CLSTN2: variants seen among roughly 807,000 people sequenced by gnomAD.
The protein encoded by CLSTN2 is calsyntenin-2.
Under a neutral mutation model 101.2 loss-of-function variants are expected in CLSTN2, and 48 were observed. That is an observed-to-expected ratio of 0.47 (90% CI 0.38 to 0.60). The LOEUF (loss-of-function observed/expected upper bound fraction) is 0.60, where lower values mean the gene tolerates loss of function less well. Among genes scored for constraint, CLSTN2 ranks in the 20% least tolerant of loss-of-function variants. The probability of loss-of-function intolerance (pLI) is 0.00; values close to 1 mark genes in which losing one functional copy is unlikely to be tolerated. For missense variants in CLSTN2, 1,160 were observed against 1,238.2 expected (o/e 0.94, Z 0.95); for synonymous variants, 481 against 463.6 (o/e 1.04, Z -0.48).
At chr3:140,391,485 C>G (rs1047006205) in intron 2 of CLSTN2, among the ~76,000 whole-genome samples, 9 of 152,134 alleles carry the variant, frequency 5.9e-5, no homozygotes, top group Non-Finnish European at 1.2e-4. Context: ...TTTGCTTGCT[C>G]TCTATCCCCA....
At chr3:140,180,190 C>A (rs2010387166) in intron 2 of CLSTN2, among the ~76,000 whole-genome samples, 1 of 152,220 alleles carries the variant, frequency 6.6e-6, no homozygotes, top group Admixed American at 6.5e-5. Flanking sequence ...CTCCTCCCTG[C>A]CAGTTGGCAG....
intron 1 of CLSTN2, among the ~76,000 whole-genome samples, chr3:140,153,362 C>T (rs2009898605): frequency 6.6e-6 from 1 of 152,264 alleles, no homozygotes; most frequent in Admixed American, 6.5e-5. Flanking sequence ...CTCTTCAAGG[C>T]TGGAGCCACC....
chr3:140,270,578 A>G (rs147667910), intron 2 of CLSTN2, among the ~76,000 whole-genome samples: 8 of 152,264 alleles, frequency 5.3e-5, no homozygotes, highest in African/African-American at 1.9e-4. Context: ...GACCAGTAAG[A>G]ACATGAATCC....
intron 8 of CLSTN2, among the ~76,000 whole-genome samples, chr3:140,513,495 C>T (rs776512945): frequency 1.3e-5 from 2 of 151,536 alleles, no homozygotes; most frequent in Non-Finnish European, 2.9e-5. Flanking sequence ...AGATGTGCTG[C>T]TGTATTCAGT....
intron 5 of CLSTN2, among the ~76,000 whole-genome samples, chr3:140,445,255 G>A (rs114388628): frequency 2.6e-5 from 4 of 152,252 alleles, no homozygotes; most frequent in African/African-American, 7.2e-5. Context: ...TTCCCTTCAC[G>A]ATTTACTTGC....
chr3:140,064,848 A>G (rs1252006793), intron 1 of CLSTN2, among the ~76,000 whole-genome samples: 5 of 152,218 alleles, frequency 3.3e-5, no homozygotes, highest in African/African-American at 9.6e-5. Context: ...AAGCACAAAG[A>G]TTAAAGATGA....
At position 140,556,525 on chromosome 3, in the gene CLSTN2, C is replaced by T. The variant is rs1253075046; in HGVS notation, c.1687C>T (p.Pro563Ser). 1 of 1,613,900 alleles carries T rather than the reference C, an allele frequency of 6.2e-7. No homozygotes were observed. Among genetic ancestry groups the T allele is most frequent in the Non-Finnish European group, 8.5e-7 (1 of 1,179,944 alleles). The change falls in exon 11 of 17, where the codon CCC (proline) becomes TCC (serine). Residue 563 changes from proline to serine, a missense_variant. Pro to Ser is a moderately conservative substitution (Grantham distance 74). Transcript: ENST00000458420. ...TTTTGTCTTCCAGTATCACTTCAAC[C>T]CCTCGCAGTCCATCCTGGTGATGGA... ...LGQGIKYHFNPSQSILVMEGD... is the reference protein window; with the variant it reads ...LGQGIKYHFNSSQSILVMEGD...
chr3:140,437,579 T>A (rs347342), intron 5 of CLSTN2, among the ~76,000 whole-genome samples: 100,770 of 152,146 alleles, frequency 0.66, 35,266 homozygotes, highest in East Asian at 0.92. Context: ...CTAATGCATG[T>A]GTGGGGCTCA....
intron 4 of CLSTN2, 90 bp from the exon 5 acceptor site, chr3:140,421,035 T>C: frequency 7.6e-7 from 1 of 1,307,538 alleles, no homozygotes; most frequent in Admixed American, 1.9e-5. Flanking sequence ...TTTCTTCCTG[T>C]GAAGGTGGGT....
At chr3:140,083,160 G>A (rs1216131405) in intron 1 of CLSTN2, among the ~76,000 whole-genome samples, 5 of 152,048 alleles carry the variant, frequency 3.3e-5, no homozygotes, top group South Asian at 4.1e-4. Flanking sequence ...CATTTATTAC[G>A]TTTTTTGCTG....
intron 9 of CLSTN2, among the ~76,000 whole-genome samples, chr3:140,541,349 CA>C (rs1317701850): frequency 2.0e-5 from 3 of 152,214 alleles, no homozygotes; most frequent in African/African-American, 7.2e-5. Flanking sequence ...AGTCCCCAGT[CA>C]ACCTGAGTGG....
At chr3:140,416,175 G>T (rs1173141743) in intron 4 of CLSTN2, among the ~76,000 whole-genome samples, 1 of 152,178 alleles carries the variant, frequency 6.6e-6, no homozygotes, top group Non-Finnish European at 1.5e-5. Flanking sequence ...CAGAAATAGA[G>T]AGTAGAATGG....
At chr3:139,981,555 C>A (rs921745851) in intron 1 of CLSTN2, among the ~76,000 whole-genome samples, 1 of 152,164 alleles carries the variant, frequency 6.6e-6, no homozygotes, top group South Asian at 2.1e-4. Context: ...ACTATTCCTG[C>A]CAGTTCAATT....
intron 2 of CLSTN2, among the ~76,000 whole-genome samples, chr3:140,275,552 A>G (rs945125619): frequency 2.0e-5 from 3 of 152,296 alleles, no homozygotes; most frequent in Admixed American, 2.0e-4. Context: ...GATTACAGGC[A>G]TGAGTCACCC....
chr3:140,493,378 G>A (rs544126931), intron 8 of CLSTN2, among the ~76,000 whole-genome samples: 1 of 152,312 alleles, frequency 6.6e-6, no homozygotes, highest in Non-Finnish European at 1.5e-5. Flanking sequence ...TTATTATTTA[G>A]GATAGTCAAG....
intron 8 of CLSTN2, among the ~76,000 whole-genome samples, chr3:140,528,422 A>T (rs955253962): frequency 6.6e-6 from 1 of 152,200 alleles, no homozygotes; most frequent in African/African-American, 2.4e-5. Flanking sequence ...CTACCTCAAC[A>T]GGGTTAACAT....
chr3:139,978,641 TGGGGGATTGTGTGTGTGTGTGTGTG>T (rs1423660855), intron 1 of CLSTN2, among the ~76,000 whole-genome samples: 6 of 126,162 alleles, frequency 4.8e-5, no homozygotes, highest in African/African-American at 1.9e-4. Context: ...GGATGGGGGA[TGGGGGATTGTGTGTGTGTGTGTGTG>T]TGTGTGTGTG....
intron 2 of CLSTN2, among the ~76,000 whole-genome samples, chr3:140,367,703 C>T (rs989202286): frequency 3.9e-5 from 6 of 152,288 alleles, no homozygotes; most frequent in South Asian, 4.1e-4. Context: ...TTTTAATACA[C>T]GAGGTCCCTA....
chr3:140,237,074 C>G (rs2086425193), intron 2 of CLSTN2, among the ~76,000 whole-genome samples: 1 of 151,916 alleles, frequency 6.6e-6, no homozygotes, highest in Non-Finnish European at 1.5e-5. Context: ...TTATTGGATT[C>G]TGGACATAGT....
Sources: gnomAD v4.1 joint callset for allele counts (sites outside exome capture counted in the v4.1 genomes callset) on GRCh38, gnomAD v4.1.1 for gene constraint, MANE v1.5 for transcripts, NCBI Gene and HGNC (gene_info 2026-07-23, HGNC 2026-07-21) for gene names.